TRIO: variants seen among roughly 807,000 people sequenced by gnomAD.
TRIO encodes the protein triple functional domain protein.
A neutral mutation model predicts 351.9 loss-of-function variants in TRIO; 58 were observed. The observed-to-expected ratio is 0.16, with a 90% confidence interval of 0.13 to 0.21. TRIO has a LOEUF of 0.21. Among genes scored for constraint, TRIO ranks in the 10% least tolerant of loss-of-function variants. TRIO has a pLI of 1.00. For missense variants in TRIO, 3,201 were observed against 4,027.8 expected (o/e 0.79, Z 5.56); for synonymous variants, 1,758 against 1,595.7 (o/e 1.10, Z -2.42).
chr5:14,354,869 T>C (rs570005263), intron 11 of TRIO, among the ~76,000 whole-genome samples: 1 of 152,294 alleles, frequency 6.6e-6, no homozygotes, highest in East Asian at 1.9e-4. Context: ...CATTGGACAG[T>C]GACAAGGGTG....
Position 14,482,826 on chromosome 5 carries a change from C to T in TRIO, c.6657+53C>T, listed in dbSNP as rs1161012769. 2.2e-6 allele frequency: 3 copies of T among 1,390,970 alleles called. No individual in the cohort carries two copies. The Admixed American group carries it at 7.5e-5, about 35-fold the overall frequency. 86.2% of individuals were successfully genotyped at this position (1,390,970 alleles called of 1,614,324 possible). A position where few individuals can be genotyped will look rare whatever the true frequency, so the allele number is the denominator to read the frequency against. On this transcript the variant is annotated intron_variant, in intron 46 of 56. Transcript: ENST00000344204. ...TGTGCCAGCGCATGTACCCGTCACA[C>T]CGATACACTGTTTCCTTTTAATGAT... is the stretch of plus-strand genomic sequence containing the variant.
intron 1 of TRIO, among the ~76,000 whole-genome samples, chr5:14,228,246 G>C (rs890102166): frequency 6.6e-6 from 1 of 152,204 alleles, no homozygotes; most frequent in Middle Eastern, 3.2e-3. Flanking sequence ...CTCCAATTCT[G>C]ATGTGTTTTA....
At chr5:14,153,362 A>T (rs1036202928) in intron 1 of TRIO, among the ~76,000 whole-genome samples, 2 of 152,240 alleles carry the variant, frequency 1.3e-5, no homozygotes, top group Admixed American at 1.3e-4. Flanking sequence ...TAGAATAAGC[A>T]CATCTGCAAA....
At chr5:14,150,550 G>A (rs1787771344) in intron 1 of TRIO, among the ~76,000 whole-genome samples, 1 of 151,826 alleles carries the variant, frequency 6.6e-6, no homozygotes, top group Admixed American at 6.6e-5. Flanking sequence ...TTAGTAAAGG[G>A]CTCCCTCAAA....
intron 1 of TRIO, among the ~76,000 whole-genome samples, chr5:14,216,492 G>T (rs1792237919): frequency 6.6e-6 from 1 of 152,202 alleles, no homozygotes; most frequent in African/African-American, 2.4e-5. Context: ...GGTGTTGCAT[G>T]TCCAATCATT....
intron 9 of TRIO, among the ~76,000 whole-genome samples, chr5:14,329,208 C>T (rs998459518): frequency 1.2e-4 from 18 of 152,340 alleles, no homozygotes; most frequent in African/African-American, 4.3e-4. Flanking sequence ...TGGTTGGCTT[C>T]CCAGATTGCC....
chr5:14,448,459 T>C lies in TRIO; in HGVS notation c.5204-12560T>C, dbSNP rs186564150. 4.1e-4 allele frequency among the ~76,000 whole-genome samples: 62 copies of C among 152,354 alleles called. 1 individual carries two copies. In the East Asian group the frequency reaches 0.012, roughly 29 times the overall value. ...TGGCCTTATGCCTGTTGTTCTGTCATGCAGGAGAGGTGCAGGGAACCGGAT... is the reference window on the plus strand; with the variant it reads ...TGGCCTTATGCCTGTTGTTCTGTCACGCAGGAGAGGTGCAGGGAACCGGAT... On this transcript the variant is annotated intron_variant, in intron 34 of 56. Coordinates refer to ENST00000344204, the MANE Select transcript of TRIO (RefSeq NM_007118.4).
At chr5:14,314,858 AACTG>A (rs1739244092) in intron 8 of TRIO, among the ~76,000 whole-genome samples, 2 of 152,210 alleles carry the variant, frequency 1.3e-5, no homozygotes, top group African/African-American at 4.8e-5. Context: ...TTTTTGTTTT[AACTG>A]ACACTAATTC....
Position 14,291,205 on chromosome 5 carries a change from C to T in TRIO, c.1030C>T (p.Leu344=). 2 of 1,613,756 alleles carry T rather than the reference C, an allele frequency of 1.2e-6. No homozygotes were observed. Among genetic ancestry groups the T allele is most frequent in the Non-Finnish European group, 1.7e-6 (2 of 1,179,796 alleles). The stretch of plus-strand genomic sequence containing the variant: ...GCTGGACCAGTGCTTCCAGCTGAGG[C>T]TGTTTGAACAGGATGCTGAGAAGGT... ...LKLDQCFQLR[L]FEQDAEKMFD... Residue 344 remains leucine, a synonymous_variant, in exon 5 of 57, where the codon CTG becomes TTG. Transcript: ENST00000344204.
At chr5:14,406,130 C>G in intron 32 of TRIO, 140 bp downstream of exon 32, 1 of 1,229,474 alleles carries the variant, frequency 8.1e-7, no homozygotes, top group Non-Finnish European at 1.1e-6. Context: ...TGGATAACAT[C>G]ATTCTTAGTA....
At chr5:14,272,830 C>A (rs942276689) in intron 2 of TRIO, among the ~76,000 whole-genome samples, 1 of 152,098 alleles carries the variant, frequency 6.6e-6, no homozygotes, top group African/African-American at 2.4e-5. Context: ...GGGAAAAAAA[C>A]CATAAAATTA....
At chr5:14,404,516 T>C (rs1306488640) in intron 31 of TRIO, among the ~76,000 whole-genome samples, 1 of 152,248 alleles carries the variant, frequency 6.6e-6, no homozygotes, top group Non-Finnish European at 1.5e-5. Context: ...GTTTCCAAAC[T>C]CTGCCAGTTG....
rs1472877382 is a variant in TRIO, at chr5:14,508,359, T to C, written c.9231T>C (p.Asn3077=). 6.2e-7 allele frequency: 1 copy of C among 1,613,896 alleles called. No individual in the cohort carries two copies. Among genetic ancestry groups the C allele is most frequent in the Non-Finnish European group, 8.5e-7 (1 of 1,180,060 alleles). Residue 3077 remains asparagine (N), a synonymous_variant, in exon 57 of 57, where the codon AAT becomes AAC. Coordinates refer to ENST00000344204, the MANE Select transcript of TRIO (RefSeq NM_007118.4). ...TSFIERRKHQ[N]DVRPIRSIKN... is the part of the protein sequence containing the mutation. Reference sequence around the variant, plus strand: ...TCATTGAGCGGCGCAAACACCAGAATGATGTTCGACCTATCCGTAGCATTA... The same window carrying C: ...TCATTGAGCGGCGCAAACACCAGAACGATGTTCGACCTATCCGTAGCATTA...
intron 1 of TRIO, among the ~76,000 whole-genome samples, chr5:14,191,442 T>C (rs1790450974): frequency 6.7e-6 from 1 of 149,862 alleles, no homozygotes; most frequent in Admixed American, 6.7e-5. Context: ...AAAATGAAAA[T>C]ATTTAGCTGG....
chr5:14,173,455 G>A lies in TRIO; in HGVS notation c.157+29573G>A, dbSNP rs946258592. Among the ~76,000 whole-genome samples the A allele has an allele frequency of 5.3e-5, 8 of 151,992 alleles. No homozygotes were observed. The East Asian group carries it at 9.7e-4, about 18-fold the overall frequency. On this transcript the variant is annotated intron_variant, in intron 1 of 56. Coordinates refer to ENST00000344204, the MANE Select transcript of TRIO (RefSeq NM_007118.4). The stretch of plus-strand genomic sequence containing the variant: ...TCCAACTCCTGACCTCAGGTGATCC[G>A]CCCGCCTCAGCTTCCCAAAGTGCTG...
chr5:14,315,740 A>T (rs1015730257), intron 8 of TRIO, among the ~76,000 whole-genome samples: 2 of 152,206 alleles, frequency 1.3e-5, no homozygotes, highest in East Asian at 3.8e-4. Context: ...TTAATTACTC[A>T]TAAGTCTTAT....
chr5:14,381,022 G>T, intron 20 of TRIO, 108 bp from the exon 21 acceptor site: 1 of 1,392,350 alleles, frequency 7.2e-7, no homozygotes. Flanking sequence ...GCTTCTCGAT[G>T]CTGCCAGCCT....
Position 14,471,421 on chromosome 5 carries a change from T to C in TRIO, c.5867T>C (p.Ile1956Thr), listed in dbSNP as rs1754677308. ...DNSLLSSSSP[I>T]DEMEERKSSS... ...TCCCTTCTCTCTTCCTCCTCGCCCATTGATGAGATGGAAGAAAGGAAATCC... is the reference window on the plus strand; with the variant it reads ...TCCCTTCTCTCTTCCTCCTCGCCCACTGATGAGATGGAAGAAAGGAAATCC... The change falls in exon 38 of 57, where the codon ATT (isoleucine) becomes ACT (threonine). Residue 1956 changes from isoleucine to threonine, a missense_variant. Coordinates refer to ENST00000344204, the MANE Select transcript of TRIO (RefSeq NM_007118.4). The C allele has an allele frequency of 3.1e-6, 5 of 1,614,186 alleles. No homozygotes were observed. Among genetic ancestry groups the C allele is most frequent in the African/African-American group, 1.3e-5 (1 of 75,060 alleles).
At chr5:14,418,420 G>T (rs1049632822) in intron 33 of TRIO, among the ~76,000 whole-genome samples, 3 of 152,166 alleles carry the variant, frequency 2.0e-5, no homozygotes, top group Non-Finnish European at 4.4e-5. Flanking sequence ...TGAAGTGATT[G>T]GTATGGGAGT....
Sources: allele counts gnomAD v4.1 joint callset (sites outside exome capture counted in the v4.1 genomes callset), GRCh38; gene constraint gnomAD v4.1.1; transcripts MANE v1.5; gene names NCBI Gene and HGNC (gene_info 2026-07-23, HGNC 2026-07-21).